DNHD1: variants seen among roughly 807,000 people sequenced by gnomAD.
DNHD1 encodes dynein heavy chain domain-containing protein 1.
Under a neutral mutation model 458.1 loss-of-function variants are expected in DNHD1, and 383 were observed. The observed-to-expected ratio is 0.84, with a 90% CI of 0.77 to 0.91. The LOEUF (loss-of-function observed/expected upper bound fraction) is 0.91. DNHD1 is among the 40% of genes least tolerant of loss of function. The pLI is 0.00. For synonymous variants in DNHD1, 2,203 were observed against 2,376.9 expected, an observed-to-expected ratio of 0.93 and a Z score of 2.13; for missense variants, 5,336 against 5,866.1, an observed-to-expected ratio of 0.91 and a Z score of 2.95.
At position 6,569,994 on chromosome 11, in the gene DNHD1, G is replaced by A. The variant is rs376814293; in HGVS notation, c.12864-15G>A. 9.3e-6 allele frequency: 15 copies of A among 1,610,882 alleles called. No individual in the cohort carries two copies. The highest frequency in any genetic ancestry group is 7.7e-5 in the South Asian group (7 of 90,960). ...GATGATATGTGAAACCCTGCTTTCC[G>A]CTCCCCTTCTCTAGGAGTCAAGTGA... On this transcript the variant is annotated splice_polypyrimidine_tract_variant and intron_variant, in intron 39 of 42. Transcript: ENST00000254579.
chr11:6,498,767 G>T lies in DNHD1; in HGVS notation c.552G>T (p.Trp184Cys). 1 of 1,614,184 alleles carries T rather than the reference G, an allele frequency of 6.2e-7. No individual in the cohort carries two copies. The highest frequency in any genetic ancestry group is 8.5e-7 in the Non-Finnish European group (1 of 1,180,028). Residue 184 changes from tryptophan to cysteine, a missense_variant, in exon 3 of 43, where the codon TGG (tryptophan) becomes TGT (cysteine). Physicochemically the swap from Trp to Cys is radical, Grantham distance 215 (BLOSUM62 -2). Coordinates refer to ENST00000254579, the MANE Select transcript of DNHD1 (RefSeq NM_144666.3). ...AAGTAAAGGAGGAGCTGGCCACCTGGCTGCGACCATTGACACTGCCTGAGC... is the reference window on the plus strand; with the variant it reads ...AAGTAAAGGAGGAGCTGGCCACCTGTCTGCGACCATTGACACTGCCTGAGC... ...RQQVKEELAT[W>C]LRPLTLPELQ...
intron 10 of DNHD1, among the ~76,000 whole-genome samples, chr11:6,521,111 G>A (rs1300044132): frequency 1.3e-5 from 2 of 152,188 alleles, no homozygotes; most frequent in Non-Finnish European, 2.9e-5. Flanking sequence ...AAAGAAGAAA[G>A]GCTCTGGAGT....
In DNHD1 at chr11:6,498,504, T is replaced by C. The variant is rs1852076809; in HGVS notation, c.289T>C (p.Leu97=). 2 of 1,614,182 alleles carry C rather than the reference T, an allele frequency of 1.2e-6. No individual in the cohort carries two copies. Among genetic ancestry groups the C allele is most frequent in the Non-Finnish European group, 1.7e-6 (2 of 1,180,020 alleles). ...VLGLLPPYRE[L]LVGHLDLLPF... ...GGGTCTACTGCCTCCATATCGTGAG[T>C]TGCTAGTTGGCCACCTTGATTTGCT... The change falls in exon 3 of 43, where the codon TTG becomes CTG. Residue 97 remains leucine (L), a synonymous_variant. Transcript: ENST00000254579.
chr11:6,568,179 C>T lies in DNHD1; in HGVS notation c.12475C>T (p.Leu4159=). The part of the protein sequence containing the change: ...GHWLVLDNCH[L]MPHWPKELLQ... ...CTGGCTGGTGCTGGACAACTGTCAT[C>T]TGATGCCCCATTGGCCGAAAGAGCT... Residue 4159 remains leucine, a synonymous_variant, in exon 37 of 43, where the codon CTG becomes TTG. Coordinates refer to ENST00000254579, the MANE Select transcript of DNHD1 (RefSeq NM_144666.3). 1 of 1,553,300 alleles carries T rather than the reference C, an allele frequency of 6.4e-7. No homozygotes were observed.
intron 6 of DNHD1, among the ~76,000 whole-genome samples, chr11:6,509,647 C>G (rs1424926970): frequency 6.6e-6 from 1 of 152,102 alleles, no homozygotes; most frequent in Non-Finnish European, 1.5e-5. Context: ...ATCTGGGGGT[C>G]TAATTCAGTT....
chr11:6,553,111 C>T (rs2134440385), intron 24 of DNHD1, among the ~76,000 whole-genome samples: 1 of 152,284 alleles, frequency 6.6e-6, no homozygotes, highest in African/African-American at 2.4e-5. Flanking sequence ...TAAATCCTCA[C>T]TGAAATATTA....
rs746746297 is a variant in DNHD1, at chr11:6,544,527, T to C, written c.3755-47T>C. Reference sequence around the variant, plus strand: ...GCAGGGTGGACTCCCCTGCAGAAGGTAGAACCCTAGTGTTTCCCACCAGCA... The same window carrying C: ...GCAGGGTGGACTCCCCTGCAGAAGGCAGAACCCTAGTGTTTCCCACCAGCA... On this transcript the variant is annotated intron_variant, in intron 19 of 42. Coordinates refer to ENST00000254579, the MANE Select transcript of DNHD1 (RefSeq NM_144666.3). 6.8e-6 allele frequency: 10 copies of C among 1,473,032 alleles called. No homozygotes were observed. In the Middle Eastern group the frequency reaches 1.1e-3, roughly 157 times the overall value. The allele number at this position is 1,473,032 out of a possible 1,614,324, so 91.2% of individuals were successfully genotyped here. A position where few individuals can be genotyped will look rare whatever the true frequency, so the allele number is the denominator to read the frequency against.
At chr11:6,535,145 T>C (rs1852918289) in intron 14 of DNHD1, among the ~76,000 whole-genome samples, 1 of 152,260 alleles carries the variant, frequency 6.6e-6, no homozygotes, top group Non-Finnish European at 1.5e-5. Flanking sequence ...ATTCTTTTTC[T>C]CTGAGTTCTG....
Position 6,546,853 on chromosome 11 carries a change from T to G in DNHD1, c.5914T>G (p.Leu1972Val), listed in dbSNP as rs1299432171. Residue 1972 changes from leucine (L) to valine (V), a missense_variant, in exon 21 of 43, where the codon TTG (leucine) becomes GTG (valine). This residue lies in a region of DNHD1 where 3,932 missense variants were observed against 4,365.6 expected (regional missense o/e 0.90). Transcript: ENST00000254579. Reference protein sequence around the residue: ...QVGLDPSPDILGSLEQLSQAL... With the variant: ...QVGLDPSPDIVGSLEQLSQAL... ...AGGTCTGGATCCCAGCCCTGACATT[T>G]TGGGGTCCTTGGAACAGTTGAGCCA... The G allele has an allele frequency of 6.4e-7, 1 of 1,551,736 alleles. No homozygotes were observed. Among genetic ancestry groups the G allele is most frequent in the Admixed American group, 2.0e-5 (1 of 51,010 alleles).
Position 6,547,899 on chromosome 11 carries a change from TCAGGTCTTCAAAAAG to T in DNHD1, c.6768_6782del (p.Arg2256_Ser2260del). 6.4e-7 allele frequency: 1 copy of T among 1,551,792 alleles called. No homozygotes were observed. The highest frequency in any genetic ancestry group is 8.7e-7 in the Non-Finnish European group (1 of 1,147,010). On this transcript the variant is annotated inframe_deletion, in exon 22 of 43. Coordinates refer to ENST00000254579, the MANE Select transcript of DNHD1 (RefSeq NM_144666.3). Reference sequence around the variant, plus strand: ...TATAGTGATCCTGTGGCCCAAAGCTTCAGGTCTTCAAAAAGCAGCTTTCTAAACCGGTCCCAGGTT... The same window carrying T: ...TATAGTGATCCTGTGGCCCAAAGCTTCAGCTTTCTAAACCGGTCCCAGGTT...
At chr11:6,518,636 A>G (rs1206564412) in intron 7 of DNHD1, among the ~76,000 whole-genome samples, 1 of 152,198 alleles carries the variant, frequency 6.6e-6, no homozygotes, top group Non-Finnish European at 1.5e-5. Flanking sequence ...CTTACAGTGT[A>G]GTGGATGAGT....
At position 6,540,061 on chromosome 11, in the gene DNHD1, T is replaced by A. The variant is rs959692353; in HGVS notation, c.3606T>A (p.Asp1202Glu). 6.4e-7 allele frequency: 1 copy of A among 1,551,688 alleles called. No individual in the cohort carries two copies. ...RSPQWEVVDKDSGTFILSDYS... is the reference protein window; with the variant it reads ...RSPQWEVVDKESGTFILSDYS... ...CCCAATGGGAGGTAGTGGACAAAGA[T>A]AGTGGCACCTTCATCCTCTCAGGTG... Residue 1202 changes from aspartate to glutamate, a missense_variant, in exon 18 of 43, where the codon GAT (aspartate) becomes GAA (glutamate). Asp to Glu is a conservative substitution (Grantham distance 45). Around this residue, in one of 4 missense-constraint regions of DNHD1, gnomAD observed 3,932 missense variants for 4,365.6 expected, o/e 0.90. Coordinates refer to ENST00000254579, the MANE Select transcript of DNHD1 (RefSeq NM_144666.3).
At chr11:6,532,721 C>G (rs1852852775) in intron 12 of DNHD1, among the ~76,000 whole-genome samples, 1 of 152,152 alleles carries the variant, frequency 6.6e-6, no homozygotes, top group Non-Finnish European at 1.5e-5. Flanking sequence ...GCTCCAGGCA[C>G]TCACAGTGGA....
In DNHD1 at chr11:6,519,591, T is replaced by C. The variant is rs764451119; in HGVS notation, c.1393-9T>C. 6.2e-7 allele frequency: 1 copy of C among 1,614,006 alleles called. No homozygotes were observed. Among genetic ancestry groups the C allele is most frequent in the East Asian group, 2.2e-5 (1 of 44,886 alleles). On this transcript the variant is annotated splice_polypyrimidine_tract_variant and intron_variant, in intron 7 of 42. Coordinates refer to ENST00000254579, the MANE Select transcript of DNHD1 (RefSeq NM_144666.3). ...CCCTATCTGGTGAGTTTCCACTCTA[T>C]GCTCACAGGTTCACGAGGACACATA...
intron 39 of DNHD1, among the ~76,000 whole-genome samples, chr11:6,569,615 G>A (rs1018216031): frequency 6.6e-6 from 1 of 152,182 alleles, no homozygotes; most frequent in Non-Finnish European, 1.5e-5. Flanking sequence ...GCAACATGGA[G>A]AATGGATCAG....
intron 13 of DNHD1, 35 bp from the exon 14 acceptor site, chr11:6,533,646 G>A (rs772385005): frequency 6.6e-7 from 1 of 1,519,192 alleles, no homozygotes; most frequent in Non-Finnish European, 8.9e-7. Flanking sequence ...ACATGGGGTT[G>A]TGGGGCTGCC....
Position 6,547,206 on chromosome 11 carries a change from C to T in DNHD1, c.6267C>T (p.Ala2089=), listed in dbSNP as rs1273306355. 3 of 1,551,678 alleles carry T rather than the reference C, an allele frequency of 1.9e-6. No individual in the cohort carries two copies. The highest frequency in any genetic ancestry group is 2.6e-6 in the Non-Finnish European group (3 of 1,147,030). Residue 2089 remains alanine (A), a synonymous_variant, in exon 21 of 43, where the codon GCC becomes GCT. Transcript: ENST00000254579. The part of the protein sequence containing the change: ...GIQHWIICDG[A]SNGAWLDSIT... The stretch of plus-strand genomic sequence containing the variant: ...AGCACTGGATAATATGTGATGGAGC[C>T]TCCAATGGTGCTTGGCTGGACTCCA...
At chr11:6,540,703 G>C (rs2134422142) in intron 18 of DNHD1, among the ~76,000 whole-genome samples, 1 of 152,312 alleles carries the variant, frequency 6.6e-6, no homozygotes, top group South Asian at 2.1e-4. Context: ...GAAGGAGTAA[G>C]AGTTTGCCAA....
Position 6,498,273 on chromosome 11 carries a change from C to G in DNHD1, c.58C>G (p.Leu20Val), listed in dbSNP as rs766855024. 3.1e-6 allele frequency: 5 copies of G among 1,614,210 alleles called. No homozygotes were observed. The highest frequency in any genetic ancestry group is 2.2e-5 in the South Asian group (2 of 91,074). ...TTCTGATGAGACATCATCTGATTCC[C>G]TTAAGTCTTGGCACTCCATATGTGT... is the stretch of plus-strand genomic sequence containing the variant. ...LSSDETSSDS[L>V]KSWHSICVLD... is the part of the protein sequence containing the mutation. The change falls in exon 3 of 43, where the codon CTT becomes GTT. Residue 20 changes from leucine to valine, a missense_variant. Leu to Val is a conservative substitution (Grantham distance 32). Around this residue, in one of 4 missense-constraint regions of DNHD1, gnomAD observed 3,932 missense variants for 4,365.6 expected, o/e 0.90. Transcript: ENST00000254579.
Sources: gnomAD v4.1 joint callset for allele counts (sites outside exome capture counted in the v4.1 genomes callset) on GRCh38, gnomAD v4.1.1 for gene constraint, gnomAD v4.1.1 regional missense constraint, MANE v1.5 for transcripts, NCBI Gene and HGNC (gene_info 2026-07-23, HGNC 2026-07-21) for gene names.